SECISBP2: variants seen among roughly 807,000 people sequenced by gnomAD.
SECISBP2 encodes the protein SECIS binding protein 2, also known as selenocysteine insertion sequence-binding protein 2.
Under a neutral mutation model 98.2 loss-of-function variants are expected in SECISBP2, and 96 were observed. That is an observed-to-expected ratio of 0.98 (90% CI 0.83 to 1.16). The LOEUF (loss-of-function observed/expected upper bound fraction) is 1.16, where lower values mean the gene tolerates loss of function less well. Ranked by LOEUF, SECISBP2 falls within the 50% of genes most tolerant of loss-of-function variation. The pLI is 0.00. For synonymous variants in SECISBP2, 407 were observed against 370.2 expected (o/e 1.10, Z -1.14); for missense variants, 1,046 against 1,022.9 (o/e 1.02, Z -0.31).
chr9:89,366,753 T>C, the SECISBP2 span, among the ~76,000 whole-genome samples: 1 of 152,204 alleles, frequency 6.6e-6, no homozygotes, highest in Non-Finnish European at 1.5e-5. Flanking sequence ...TTTTTTGAGC[T>C]GTTATGATCA....
chr9:89,338,501 CAAGA>C lies in SECISBP2; in HGVS notation c.1139_1142del (p.Lys380IlefsTer15), dbSNP rs1361333288. On this transcript the variant is annotated frameshift_variant, in exon 8 of 17. Coordinates refer to ENST00000375807, the MANE Select transcript of SECISBP2 (RefSeq NM_024077.5). LOFTEE classifies it high-confidence loss of function. ...AGTGACCTTGAACAAAATGAAGCCT[CAAGA>C]AAGAATAAGAAAAAGAAAGAAAAAT... 2 of 1,613,222 alleles carry C rather than the reference CAAGA, an allele frequency of 1.2e-6. No homozygotes were observed. The highest frequency in any genetic ancestry group is 2.2e-5 in the East Asian group (1 of 44,826).
At chr9:89,349,489 G>T (rs1830934041) in intron 12 of SECISBP2, among the ~76,000 whole-genome samples, 1 of 152,204 alleles carries the variant, frequency 6.6e-6, no homozygotes, top group South Asian at 2.1e-4. Context: ...CTTAAAAGTG[G>T]TTAAAATGGT....
rs1423654419 is a variant in SECISBP2 at position 89,358,127 on chromosome 9, G to A, written c.2397G>A (p.Gln799=). Reference sequence around the variant, plus strand: ...AGGCACCTCCCAGCCTACCCACACAGGGCCCCAGCTGCCCTGCAGAAGATG... The same window carrying A: ...AGGCACCTCCCAGCCTACCCACACAAGGCCCCAGCTGCCCTGCAGAAGATG... The part of the protein sequence containing the change: ...RPQAPPSLPT[Q]GPSCPAEDGP... The change falls in exon 16 of 17, where the codon CAG becomes CAA. Residue 799 remains glutamine, a synonymous_variant. Transcript: ENST00000375807. The A allele has an allele frequency of 4.3e-6, 7 of 1,613,634 alleles. No individual in the cohort carries two copies. The highest frequency in any genetic ancestry group is 5.9e-6 in the Non-Finnish European group (7 of 1,179,930).
intron 7 of SECISBP2, among the ~76,000 whole-genome samples, chr9:89,335,628 G>A (rs1269032522): frequency 6.6e-6 from 1 of 152,044 alleles, no homozygotes; most frequent in African/African-American, 2.4e-5. Context: ...ACCGTGCCTG[G>A]CCAGGATAGT....
At chr9:89,346,021 T>C (rs1251985700) in intron 10 of SECISBP2, among the ~76,000 whole-genome samples, 1 of 152,306 alleles carries the variant, frequency 6.6e-6, no homozygotes, top group East Asian at 1.9e-4. Context: ...ACTGCCTGAT[T>C]GACAAAGCAC....
chr9:89,366,438 T>C, the SECISBP2 span, among the ~76,000 whole-genome samples: 1 of 152,236 alleles, frequency 6.6e-6, no homozygotes, highest in Non-Finnish European at 1.5e-5. Context: ...GCTCCAAAAC[T>C]GTTTTGCCTG....
intron 10 of SECISBP2, among the ~76,000 whole-genome samples, chr9:89,345,473 A>C (rs1472390343): frequency 6.6e-6 from 1 of 152,158 alleles, no homozygotes; most frequent in East Asian, 1.9e-4. Flanking sequence ...CCTGAAGGCT[A>C]CTCATCTTAA....
rs992600474 is a variant in SECISBP2, at chr9:89,358,922, G to T, written c.*98G>T. On this transcript the variant is annotated 3_prime_UTR_variant, in exon 17 of 17. Transcript: ENST00000375807. ...TGTTTTTCATGACAATGTAATTTGT[G>T]TAACTGTTGAATCTGGAAATTGATC... 1.2e-5 allele frequency: 9 copies of T among 777,526 alleles called. No homozygotes were observed. Among genetic ancestry groups the T allele is most frequent in the South Asian group, 1.4e-5 (1 of 69,000 alleles). 48.2% of individuals were successfully genotyped at this position (777,526 alleles called of 1,614,324 possible).
intron 12 of SECISBP2, 40 bp from the exon 13 acceptor site, chr9:89,349,736 G>A: frequency 6.2e-7 from 1 of 1,612,504 alleles, no homozygotes; most frequent in Non-Finnish European, 8.5e-7. Flanking sequence ...TGTGCACTGG[G>A]CCTCACAGAT....
At chr9:89,349,398 G>A (rs1830920026) in intron 12 of SECISBP2, among the ~76,000 whole-genome samples, 2 of 152,134 alleles carry the variant, frequency 1.3e-5, no homozygotes, top group Admixed American at 1.3e-4. Context: ...AAAAAACTTA[G>A]AACTAAAATC....
chr9:89,328,199 T>A (rs921854304), intron 4 of SECISBP2, among the ~76,000 whole-genome samples: 2 of 152,244 alleles, frequency 1.3e-5, no homozygotes, highest in African/African-American at 2.4e-5. Flanking sequence ...TACCGAGTAT[T>A]ATGTACAGTA....
rs1195577142 is a variant in SECISBP2 at position 89,349,882 on chromosome 9, T to C, written c.1845T>C (p.Ala615=). The C allele has an allele frequency of 6.2e-7, 1 of 1,614,200 alleles. No homozygotes were observed. The highest frequency in any genetic ancestry group is 8.5e-7 in the Non-Finnish European group (1 of 1,180,016). Residue 615 remains alanine (A), a synonymous_variant, in exon 13 of 17, where the codon GCT becomes GCC. Transcript: ENST00000375807. ...GGGACACAGAGGCCTCCCACCTTGC[T>C]CCCAATCACACCACCTTCCCTAAGA... ...LQRDTEASHL[A]PNHTTFPKIH...
downstream of SECISBP2, among the ~76,000 whole-genome samples, chr9:89,363,193 C>T (rs1832986588): frequency 6.6e-6 from 1 of 152,248 alleles, no homozygotes; most frequent in Non-Finnish European, 1.5e-5. Context: ...GTCTCGCCTC[C>T]CTTCAGTCTC....
chr9:89,357,715 T>A, intron 15 of SECISBP2, 150 bp downstream of exon 15: 1 of 990,734 alleles, frequency 1.0e-6, no homozygotes, highest in Admixed American at 2.1e-5. Context: ...AACCTTCTTA[T>A]AAAAAAGTAG....
At chr9:89,334,213 A>T (rs1483717166) in intron 6 of SECISBP2, 2 of 1,205,908 alleles carry the variant, frequency 1.7e-6, no homozygotes, top group African/African-American at 1.6e-5. Context: ...TGCCACGTGG[A>T]CATTTATTGT....
intron 3 of SECISBP2, 86 bp downstream of exon 3, chr9:89,325,762 A>G: frequency 6.3e-7 from 1 of 1,599,024 alleles, no homozygotes; most frequent in South Asian, 1.1e-5. Flanking sequence ...TGTACATCAT[A>G]TTTAAGTATC....
In SECISBP2 at chr9:89,328,646, T is replaced by C. The variant is rs747710720; in HGVS notation, c.575-14T>C. 1.6e-4 allele frequency: 252 copies of C among 1,609,390 alleles called. No individual in the cohort carries two copies. In the Admixed American group the frequency reaches 4.1e-3, roughly 26 times the overall value. On this transcript the variant is annotated splice_polypyrimidine_tract_variant and intron_variant, in intron 4 of 16. Coordinates refer to ENST00000375807, the MANE Select transcript of SECISBP2 (RefSeq NM_024077.5). Reference sequence around the variant, plus strand: ...ACTAAATTTTTACTCTTACTTTTAATTTTGTAATTACAGATGGTTACCATA... The same window carrying C: ...ACTAAATTTTTACTCTTACTTTTAACTTTGTAATTACAGATGGTTACCATA...
intron 5 of SECISBP2, chr9:89,330,011 C>T (rs1827484297): frequency 6.6e-6 from 1 of 152,174 alleles, no homozygotes; most frequent in African/African-American, 2.4e-5. Flanking sequence ...AGTAGGTCCT[C>T]CAGTAACATT....
At chr9:89,338,762 T>C (rs950183559) in intron 8 of SECISBP2, among the ~76,000 whole-genome samples, 182 bp downstream of exon 8, 1 of 152,164 alleles carries the variant, frequency 6.6e-6, no homozygotes, top group Non-Finnish European at 1.5e-5. Context: ...CCCAGTTGTC[T>C]CAGAGCAGCC....
Sources: gnomAD v4.1 joint callset for allele counts (sites outside exome capture counted in the v4.1 genomes callset) on GRCh38, gnomAD v4.1.1 for gene constraint, MANE v1.5 for transcripts, NCBI Gene and HGNC (gene_info 2026-07-23, HGNC 2026-07-21) for gene names.